The following ARL15 variants were observed in gnomAD, a reference collection of about 807,000 sequenced individuals.
ARL15 encodes the protein ARF like GTPase 15, also known as ADP-ribosylation factor-like protein 15.
Under a neutral mutation model 25.2 loss-of-function variants are expected in ARL15, and 19 were observed. The observed-to-expected ratio is 0.75, with a 90% CI of 0.53 to 1.10. ARL15 has a LOEUF of 1.10. Among genes scored for constraint, ARL15 ranks in the 50% least tolerant of loss-of-function variants. The pLI is 0.00. For missense variants in ARL15, 220 were observed against 246.0 expected (o/e 0.89, Z 0.71); for synonymous variants, 94 against 86.8 (o/e 1.08, Z -0.46).
At chr5:54,015,158 G>T (rs1360698781) in intron 4 of ARL15, among the ~76,000 whole-genome samples, 2 of 151,908 alleles carry the variant, frequency 1.3e-5, no homozygotes, top group Admixed American at 6.6e-5. Flanking sequence ...GCCAGGCATG[G>T]TGGTGGGCAC....
intron 1 of ARL15, among the ~76,000 whole-genome samples, chr5:54,302,683 A>ATTTTTTTTTTTTTTTTTTTTTTTTTTT: frequency 1.3e-5 from 1 of 77,850 alleles, no homozygotes. Flanking sequence ...TAAAATTAAG[A>ATTTTTTTTTTTTTTTTTTTTTTTTTTT]TTTTTTTTTT....
At chr5:54,013,320 G>A (rs981491825) in intron 4 of ARL15, among the ~76,000 whole-genome samples, 6 of 152,230 alleles carry the variant, frequency 3.9e-5, no homozygotes, top group Non-Finnish European at 8.8e-5. Flanking sequence ...GAGAAGTCTA[G>A]CATGACTGAT....
chr5:54,111,232 A>T (rs187891527), intron 4 of ARL15, among the ~76,000 whole-genome samples: 2 of 152,212 alleles, frequency 1.3e-5, no homozygotes, highest in African/African-American at 4.8e-5. Context: ...TTTAAAATGG[A>T]TACAAATAAA....
At chr5:53,975,715 T>C (rs916706081) in intron 4 of ARL15, among the ~76,000 whole-genome samples, 10 of 152,174 alleles carry the variant, frequency 6.6e-5, no homozygotes, top group Non-Finnish European at 2.9e-5. Flanking sequence ...ATATGATTCT[T>C]CTGGGGAAGG....
chr5:54,028,935 T>C (rs1051123865), intron 4 of ARL15, among the ~76,000 whole-genome samples: 1 of 152,096 alleles, frequency 6.6e-6, no homozygotes, highest in Non-Finnish European at 1.5e-5. Context: ...GATGGGAGGA[T>C]GGCCTTAGCC....
intron 4 of ARL15, among the ~76,000 whole-genome samples, chr5:54,072,273 G>A (rs946643700): frequency 1.7e-4 from 26 of 152,104 alleles, no homozygotes; most frequent in African/African-American, 5.1e-4. Context: ...CTCCACACAC[G>A]GGCTTGGTTG....
At chr5:53,942,230 G>A (rs1018381397) in intron 4 of ARL15, among the ~76,000 whole-genome samples, 13 of 152,134 alleles carry the variant, frequency 8.5e-5, no homozygotes, top group African/African-American at 3.1e-4. Context: ...GAGAGGGAAG[G>A]ATGCTACTTT....
chr5:54,098,804 C>T (rs1340572578), intron 4 of ARL15, among the ~76,000 whole-genome samples: 1 of 152,092 alleles, frequency 6.6e-6, no homozygotes, highest in Non-Finnish European at 1.5e-5. Flanking sequence ...CTTAAAATTT[C>T]CCCCAAAGAA....
At chr5:53,935,877 T>C (rs1054334801) in intron 4 of ARL15, among the ~76,000 whole-genome samples, 1 of 152,084 alleles carries the variant, frequency 6.6e-6, no homozygotes, top group Non-Finnish European at 1.5e-5. Flanking sequence ...GCCTGCTGAG[T>C]AGCTGAGATT....
intron 4 of ARL15, among the ~76,000 whole-genome samples, chr5:53,940,816 T>G (rs551451124): frequency 2.4e-4 from 37 of 152,352 alleles, no homozygotes; most frequent in Non-Finnish European, 4.4e-4. Flanking sequence ...GTACATTTTA[T>G]AGCAAATAGC....
intron 4 of ARL15, among the ~76,000 whole-genome samples, chr5:54,059,095 C>G (rs1750979189): frequency 6.6e-6 from 1 of 152,204 alleles, no homozygotes; most frequent in South Asian, 2.1e-4. Flanking sequence ...GGTCTCCAAG[C>G]CACTTATATA....
chr5:54,179,444 T>C (rs1754982087), intron 1 of ARL15, among the ~76,000 whole-genome samples: 1 of 152,150 alleles, frequency 6.6e-6, no homozygotes, highest in Non-Finnish European at 1.5e-5. Flanking sequence ...CAAGTCTTTG[T>C]ATTGCTTCTT....
At chr5:54,125,075 G>GTTTTTTTTTTTTTTTTTTTTTTTTTT (rs774608441) in intron 3 of ARL15, among the ~76,000 whole-genome samples, 1 of 134,968 alleles carries the variant, frequency 7.4e-6, no homozygotes. Flanking sequence ...TTTTTGTTTT[G>GTTTTTTTTTTTTTTTTTTTTTTTTTT]TTTTGTTTTG....
chr5:54,056,777 A>G (rs1015807343), intron 4 of ARL15, among the ~76,000 whole-genome samples: 1 of 152,114 alleles, frequency 6.6e-6, no homozygotes, highest in African/African-American at 2.4e-5. Context: ...GACATAGCTG[A>G]TTTTTGAATC....
At chr5:54,208,925 C>T (rs543160652) in intron 1 of ARL15, among the ~76,000 whole-genome samples, 2 of 152,068 alleles carry the variant, frequency 1.3e-5, no homozygotes, top group East Asian at 3.9e-4. Flanking sequence ...TATAGCACAC[C>T]TATTTGAAAT....
chr5:54,035,458 T>C (rs1481173800), intron 4 of ARL15, among the ~76,000 whole-genome samples: 1 of 152,230 alleles, frequency 6.6e-6, no homozygotes, highest in Non-Finnish European at 1.5e-5. Flanking sequence ...GTGTCAAAAT[T>C]AATTAAATGT....
intron 4 of ARL15, among the ~76,000 whole-genome samples, chr5:53,918,830 T>TA (rs3839230): frequency 0.53 from 79,617 of 148,916 alleles, 21,427 homozygotes; most frequent in African/African-American, 0.65. Flanking sequence ...AAGTTGACAG[T>TA]AAAAAAAAAA....
intron 4 of ARL15, among the ~76,000 whole-genome samples, chr5:54,025,295 A>G (rs77545722): frequency 6.6e-6 from 1 of 151,056 alleles, no homozygotes; most frequent in Non-Finnish European, 1.5e-5. Context: ...ACCAAAAAAA[A>G]AAAAAAAAAA....
At chr5:54,212,000 A>G (rs879801820) in intron 1 of ARL15, among the ~76,000 whole-genome samples, 11 of 152,322 alleles carry the variant, frequency 7.2e-5, no homozygotes, top group Non-Finnish European at 1.0e-4. Flanking sequence ...GTGTCTGGCT[A>G]CAAGTAACAG....
Sources: allele counts gnomAD v4.1 joint callset (sites outside exome capture counted in the v4.1 genomes callset), GRCh38; gene constraint gnomAD v4.1.1; transcripts MANE v1.5; gene names NCBI Gene and HGNC (gene_info 2026-07-23, HGNC 2026-07-21).